The following MYO1D variants were observed in gnomAD, a reference collection of about 807,000 sequenced individuals.
The protein encoded by MYO1D is unconventional myosin-Id.
In MYO1D, 83 loss-of-function variants were observed where a neutral mutation model predicts 122.0. The ratio of observed to expected loss-of-function variants is 0.68; its 90% CI spans 0.57 to 0.82. MYO1D has a LOEUF of 0.82. Ranked by LOEUF, MYO1D falls within the 40% of genes least tolerant of loss-of-function variation. The pLI, the probability that MYO1D is intolerant of heterozygous loss-of-function variation, is 0.00. For synonymous variants in MYO1D, 464 were observed against 446.9 expected, an observed-to-expected ratio of 1.04 and a Z score of -0.48; for missense variants, 1,157 against 1,269.5, an observed-to-expected ratio of 0.91 and a Z score of 1.35.
chr17:32,524,890 A>G (rs1186194666), intron 21 of MYO1D, among the ~76,000 whole-genome samples: 1 of 152,050 alleles, frequency 6.6e-6, no homozygotes, highest in Non-Finnish European at 1.5e-5. Flanking sequence ...TTTAGTAGAG[A>G]TAAGGTCTCG....
chr17:32,687,003 AC>A (rs796424768), intron 16 of MYO1D, among the ~76,000 whole-genome samples: 1 of 150,418 alleles, frequency 6.6e-6, no homozygotes, highest in East Asian at 2.0e-4. Flanking sequence ...ACACACACAC[AC>A]ACCAAAAAAC....
At chr17:32,575,522 T>C (rs2087270655) in intron 21 of MYO1D, among the ~76,000 whole-genome samples, 1 of 152,246 alleles carries the variant, frequency 6.6e-6, no homozygotes, top group Non-Finnish European at 1.5e-5. Context: ...AAAGAGATTT[T>C]CTGGGGTGAC....
intron 16 of MYO1D, among the ~76,000 whole-genome samples, chr17:32,659,987 A>T (rs569180183): frequency 1.3e-5 from 2 of 152,294 alleles, no homozygotes; most frequent in East Asian, 3.9e-4. Context: ...AAAGTCAGAG[A>T]TACTTATTTT....
chr17:32,620,546 A>G (rs1011952540), intron 20 of MYO1D, among the ~76,000 whole-genome samples: 2 of 148,600 alleles, frequency 1.3e-5, no homozygotes, highest in African/African-American at 5.0e-5. Context: ...AAGCCAGGGA[A>G]CCCCCCCCTG....
At chr17:32,739,425 T>C (rs891384522) in intron 13 of MYO1D, among the ~76,000 whole-genome samples, 3 of 138,108 alleles carry the variant, frequency 2.2e-5, no homozygotes, top group Non-Finnish European at 3.0e-5. Context: ...TTCTCACTCA[T>C]AGGTGGGAAT....
At chr17:32,740,764 C>G (rs145158246) in intron 13 of MYO1D, among the ~76,000 whole-genome samples, 2,126 of 152,264 alleles carry the variant, frequency 0.014, 24 homozygotes, top group South Asian at 0.06. Context: ...TGTCAGCCAC[C>G]ATGCCCAGCC....
At chr17:32,548,415 G>A (rs1266354249) in intron 21 of MYO1D, among the ~76,000 whole-genome samples, 5 of 149,804 alleles carry the variant, frequency 3.3e-5, no homozygotes, top group East Asian at 3.9e-4. Context: ...GTGACAGAGC[G>A]AGACCTGTCT....
At chr17:32,524,707 T>A (rs905868005) in intron 21 of MYO1D, among the ~76,000 whole-genome samples, 1 of 151,828 alleles carries the variant, frequency 6.6e-6, no homozygotes, top group East Asian at 1.9e-4. Context: ...GGATTACAGG[T>A]GCCCACCACC....
intron 21 of MYO1D, among the ~76,000 whole-genome samples, chr17:32,585,823 A>T (rs1185351287): frequency 1.3e-5 from 2 of 152,166 alleles, no homozygotes; most frequent in African/African-American, 2.4e-5. Context: ...CTGGTTATAC[A>T]ATTAATACAT....
chr17:32,632,697 C>T (rs1044170791), intron 20 of MYO1D, among the ~76,000 whole-genome samples: 40 of 152,032 alleles, frequency 2.6e-4, no homozygotes, highest in African/African-American at 6.0e-4. Flanking sequence ...CATCATCCCC[C>T]GCTCTTTTTC....
At chr17:32,697,633 A>T in intron 16 of MYO1D, among the ~76,000 whole-genome samples, 1 of 144,474 alleles carries the variant, frequency 6.9e-6, no homozygotes, top group Non-Finnish European at 1.5e-5. Context: ...TGGAGCATGT[A>T]TTTTCAGTTA....
At chr17:32,537,614 C>A (rs763896805) in intron 21 of MYO1D, among the ~76,000 whole-genome samples, 1 of 152,150 alleles carries the variant, frequency 6.6e-6, no homozygotes, top group Non-Finnish European at 1.5e-5. Context: ...TAAGACTTGA[C>A]AAACAACATT....
At chr17:32,496,492 C>T (rs1009205854) in intron 21 of MYO1D, among the ~76,000 whole-genome samples, 14 of 152,336 alleles carry the variant, frequency 9.2e-5, no homozygotes, top group Admixed American at 6.5e-4. Flanking sequence ...CAGCAGAGGC[C>T]GTGACTCAGG....
intron 1 of MYO1D, among the ~76,000 whole-genome samples, chr17:32,876,023 TACGTTCTCAAGGATGTTAATAACACA>T (rs1238631245): frequency 6.6e-5 from 10 of 152,188 alleles, no homozygotes; most frequent in African/African-American, 2.2e-4. Context: ...GAGTTGTGAC[TACGTTCTCAAGGATGTTAATAACACA>T]AGAGCTCCAT....
intron 21 of MYO1D, among the ~76,000 whole-genome samples, chr17:32,601,969 GT>G (rs1302977834): frequency 6.6e-6 from 1 of 152,166 alleles, no homozygotes; most frequent in Non-Finnish European, 1.5e-5. Context: ...TACTTAGTTG[GT>G]TTTTGTTTCA....
chr17:32,855,884 A>C (rs1266264585), intron 1 of MYO1D, among the ~76,000 whole-genome samples: 1 of 152,210 alleles, frequency 6.6e-6, no homozygotes, highest in African/African-American at 2.4e-5. Context: ...TCATGGATCC[A>C]TGCTATGATA....
intron 16 of MYO1D, among the ~76,000 whole-genome samples, chr17:32,664,225 A>G (rs188390300): frequency 1.3e-5 from 2 of 152,322 alleles, no homozygotes; most frequent in Admixed American, 1.3e-4. Context: ...CGCTTCCATA[A>G]AAGTTTGTGT....
chr17:32,599,540 C>G (rs1289791551), intron 21 of MYO1D, among the ~76,000 whole-genome samples: 3 of 152,200 alleles, frequency 2.0e-5, no homozygotes, highest in African/African-American at 7.2e-5. Context: ...CACAAATGTT[C>G]TTAGTGGCAT....
chr17:32,874,123 T>C (rs1391677883), intron 1 of MYO1D, among the ~76,000 whole-genome samples: 1 of 152,262 alleles, frequency 6.6e-6, no homozygotes, highest in African/African-American at 2.4e-5. Context: ...TCTTCCTCTA[T>C]AAGGTGTTTT....
Sources: allele counts gnomAD v4.1 joint callset (sites outside exome capture counted in the v4.1 genomes callset), GRCh38; gene constraint gnomAD v4.1.1; transcripts MANE v1.5; gene names NCBI Gene and HGNC (gene_info 2026-07-23, HGNC 2026-07-21).